CNTNAP4: variants seen among roughly 807,000 people sequenced by gnomAD.
CNTNAP4 encodes the protein contactin-associated protein-like 4.
CNTNAP4 carries 98 observed loss-of-function variants against 148.4 expected under a neutral mutation model. That is an observed-to-expected ratio of 0.66 (90% CI 0.56 to 0.78). The LOEUF (loss-of-function observed/expected upper bound fraction) is 0.78, where lower values mean the gene tolerates loss of function less well. Ranked by LOEUF, CNTNAP4 falls within the 30% of genes least tolerant of loss-of-function variation. The pLI is 0.00. For missense variants in CNTNAP4, 1,935 were observed against 1,565.6 expected, an observed-to-expected ratio of 1.24 and a Z score of -3.98; for synonymous variants, 730 against 565.1, an observed-to-expected ratio of 1.29 and a Z score of -4.14.
intron 1 of CNTNAP4, among the ~76,000 whole-genome samples, chr16:76,298,232 C>G (rs1022219218): frequency 1.3e-5 from 2 of 152,152 alleles, no homozygotes; most frequent in African/African-American, 4.8e-5. Flanking sequence ...AGGTCTTCAT[C>G]TGGAGGCCAT....
intron 3 of CNTNAP4, among the ~76,000 whole-genome samples, chr16:76,398,744 C>T (rs1426206444): frequency 2.6e-5 from 4 of 152,132 alleles, no homozygotes; most frequent in African/African-American, 9.7e-5. Flanking sequence ...CTGATTTTGA[C>T]AGCTTTTTAA....
At chr16:76,557,662 T>C (rs1025810677) in intron 23 of CNTNAP4, 2 of 152,214 alleles carry the variant, frequency 1.3e-5, no homozygotes, top group Non-Finnish European at 2.9e-5. Flanking sequence ...TATTGTTTTG[T>C]GTCCTTGCGT....
chr16:76,319,856 G>T (rs11866920), intron 2 of CNTNAP4, among the ~76,000 whole-genome samples: 48,549 of 152,070 alleles, frequency 0.32, 8,199 homozygotes, highest in Non-Finnish European at 0.35. Flanking sequence ...ATTTCAGACT[G>T]CTAGTTTCCA....
chr16:76,418,410 TA>T (rs34384120), intron 3 of CNTNAP4, among the ~76,000 whole-genome samples: 2,518 of 149,614 alleles, frequency 0.017, 37 homozygotes, highest in East Asian at 0.067. Flanking sequence ...TATATATTTT[TA>T]TTATACTTTA....
At chr16:76,338,652 C>T (rs796176901) in intron 2 of CNTNAP4, among the ~76,000 whole-genome samples, 3 of 152,238 alleles carry the variant, frequency 2.0e-5, no homozygotes, top group African/African-American at 7.2e-5. Context: ...CTGTCTTACT[C>T]TTTTATAAAA....
intron 1 of CNTNAP4, among the ~76,000 whole-genome samples, chr16:76,289,772 T>A (rs1211776548): frequency 6.6e-6 from 1 of 152,028 alleles, no homozygotes; most frequent in Non-Finnish European, 1.5e-5. Context: ...GGTTTCACCA[T>A]GTTGGTCAAG....
intron 3 of CNTNAP4, among the ~76,000 whole-genome samples, chr16:76,423,368 G>C (rs1163365979): frequency 6.6e-6 from 1 of 151,878 alleles, no homozygotes; most frequent in Non-Finnish European, 1.5e-5. Flanking sequence ...GCAAATTTCA[G>C]GACCCTCCCC....
intron 3 of CNTNAP4, among the ~76,000 whole-genome samples, chr16:76,364,201 T>C (rs1176809388): frequency 8.1e-6 from 1 of 122,748 alleles, no homozygotes; most frequent in Non-Finnish European, 1.6e-5. Flanking sequence ...GCCACTGCAT[T>C]CCAGCCTGGG....
At chr16:76,403,514 C>T (rs2078493449) in intron 3 of CNTNAP4, among the ~76,000 whole-genome samples, 1 of 152,118 alleles carries the variant, frequency 6.6e-6, no homozygotes, top group Non-Finnish European at 1.5e-5. Flanking sequence ...TCACACAAGT[C>T]AGAATGGCTA....
intron 17 of CNTNAP4, among the ~76,000 whole-genome samples, chr16:76,529,254 G>T (rs895279697): frequency 2.6e-5 from 4 of 152,136 alleles, no homozygotes; most frequent in African/African-American, 9.7e-5. Flanking sequence ...CTTTGTGTGT[G>T]TGTGTGTGAT....
intron 2 of CNTNAP4, among the ~76,000 whole-genome samples, chr16:76,340,361 A>G (rs1259656234): frequency 6.6e-6 from 1 of 152,154 alleles, no homozygotes. Context: ...TCTAAATTAA[A>G]TCACTCCAGG....
At chr16:76,278,633 C>G (rs568008197) in intron 1 of CNTNAP4, among the ~76,000 whole-genome samples, 9 of 152,268 alleles carry the variant, frequency 5.9e-5, no homozygotes, top group African/African-American at 2.2e-4. Flanking sequence ...TAATGACAAA[C>G]AAGCTTGGCA....
At chr16:76,485,713 A>G (rs2082003763) in intron 12 of CNTNAP4, among the ~76,000 whole-genome samples, 1 of 152,218 alleles carries the variant, frequency 6.6e-6, no homozygotes, top group African/African-American at 2.4e-5. Context: ...TCCTGAGACC[A>G]TTTCAGGAGA....
chr16:76,547,546 G>T (rs1829405294), intron 21 of CNTNAP4, among the ~76,000 whole-genome samples: 2 of 152,090 alleles, frequency 1.3e-5, no homozygotes, highest in Admixed American at 6.5e-5. Flanking sequence ...AAATTAACTT[G>T]GTTGACATTC....
At chr16:76,515,440 C>A (rs1003622118) in intron 15 of CNTNAP4, among the ~76,000 whole-genome samples, 1 of 152,178 alleles carries the variant, frequency 6.6e-6, no homozygotes, top group Non-Finnish European at 1.5e-5. Context: ...AGACCCCACT[C>A]TCTGTGCTGA....
At chr16:76,433,810 T>C (rs2079704735) in intron 4 of CNTNAP4, among the ~76,000 whole-genome samples, 1 of 152,132 alleles carries the variant, frequency 6.6e-6, no homozygotes, top group Admixed American at 6.6e-5. Flanking sequence ...GTAAGGTGAA[T>C]TAGATAGTTC....
intron 12 of CNTNAP4, among the ~76,000 whole-genome samples, chr16:76,482,239 C>G (rs964231243): frequency 2.6e-4 from 40 of 151,988 alleles, no homozygotes; most frequent in African/African-American, 9.2e-4. Flanking sequence ...ACTGATTGTA[C>G]AAGATAATAG....
intron 3 of CNTNAP4, among the ~76,000 whole-genome samples, chr16:76,424,981 C>T (rs1337083973): frequency 5.9e-5 from 9 of 152,040 alleles, no homozygotes; most frequent in Admixed American, 5.9e-4. Flanking sequence ...CTGTAGTGCT[C>T]TAGAGGTTGG....
At chr16:76,532,585 TACTGTAG>T (rs2084032032) in intron 17 of CNTNAP4, among the ~76,000 whole-genome samples, 1 of 152,216 alleles carries the variant, frequency 6.6e-6, no homozygotes, top group Non-Finnish European at 1.5e-5. Context: ...TGTTACTGTA[TACTGTAG>T]ACTGTATACC....
Sources: gnomAD v4.1 joint callset for allele counts (sites outside exome capture counted in the v4.1 genomes callset) on GRCh38, gnomAD v4.1.1 for gene constraint, MANE v1.5 for transcripts, NCBI Gene and HGNC (gene_info 2026-07-23, HGNC 2026-07-21) for gene names.